Variants in COL1A2 observed in about 807,000 individuals in gnomAD.
COL1A2 encodes collagen alpha-2(I) chain.
In COL1A2, 49 loss-of-function variants were observed where a neutral mutation model predicts 174.3. The ratio of observed to expected loss-of-function variants is 0.28; its 90% CI spans 0.22 to 0.36. The LOEUF (loss-of-function observed/expected upper bound fraction) is 0.36. Among genes scored for constraint, COL1A2 ranks in the 10% least tolerant of loss-of-function variants. COL1A2 has a pLI of 1.00. For synonymous variants in COL1A2, 655 were observed against 606.6 expected, an observed-to-expected ratio of 1.08 and a Z score of -1.17; for missense variants, 1,438 against 1,822.7, an observed-to-expected ratio of 0.79 and a Z score of 3.84.
At chr7:94,425,703 T>C (rs1192151176) in intron 43 of COL1A2, 40 bp downstream of exon 43, 3 of 1,614,080 alleles carry the variant, frequency 1.9e-6, no homozygotes, top group Middle Eastern at 1.6e-4. Context: ...CAAAAGTGAT[T>C]AAAATGCAAC....
chr7:94,408,572 CA>C (rs1791853393), intron 15 of COL1A2, among the ~76,000 whole-genome samples, 192 bp downstream of exon 15: 1 of 152,160 alleles, frequency 6.6e-6, no homozygotes, highest in African/African-American at 2.4e-5. Flanking sequence ...ATGTATAAAG[CA>C]AAATATCCCC....
intron 40 of COL1A2, chr7:94,423,388 G>T: frequency 2.2e-6 from 1 of 460,918 alleles, no homozygotes; most frequent in African/African-American, 2.0e-5. Context: ...CTGGTACCAG[G>T]ATTAGAACAG....
intron 30 of COL1A2, 48 bp downstream of exon 30, chr7:94,415,318 A>T: frequency 6.4e-7 from 1 of 1,558,424 alleles, no homozygotes; most frequent in Non-Finnish European, 8.9e-7. Context: ...ATGTGTTTTT[A>T]AAAGTAGTAG....
At chr7:94,422,612 C>A in intron 39 of COL1A2, 1 of 217,286 alleles carries the variant, frequency 4.6e-6, no homozygotes, top group Non-Finnish European at 9.1e-6. Context: ...AGGCAAAGTC[C>A]TTCGAAACTC....
intron 1 of COL1A2, among the ~76,000 whole-genome samples, chr7:94,397,338 C>T (rs993189888): frequency 1.3e-5 from 2 of 151,870 alleles, no homozygotes; most frequent in South Asian, 2.1e-4. Context: ...TACCTTTTTT[C>T]GATATTTAGG....
At position 94,409,335 on chromosome 7, in the gene COL1A2, C is replaced by G; in HGVS notation, c.806C>G (p.Ala269Gly). The change falls in exon 17 of 52, where the codon GCT becomes GGT. Residue 269 changes from alanine (A) to glycine (G), a missense_variant. Physicochemically the swap from Ala to Gly is moderately conservative, Grantham distance 60. Around this residue, in one of 3 missense-constraint regions of COL1A2, gnomAD observed 867 missense variants for 1,213.7 expected, o/e 0.71. Coordinates refer to ENST00000297268, the MANE Select transcript of COL1A2 (RefSeq NM_000089.4). ...TTCCTCTTTTAGGGTGAAATTGGAG[C>G]TGTTGGTAACGCTGGTCCTGCTGGT... ...GAPGPKGEIG[A>G]VGNAGPAGPA... 1 of 1,614,078 alleles carries G rather than the reference C, an allele frequency of 6.2e-7. No individual in the cohort carries two copies.
At chr7:94,415,685 C>T (rs190480346) in intron 30 of COL1A2, among the ~76,000 whole-genome samples, 1 of 152,188 alleles carries the variant, frequency 6.6e-6, no homozygotes, top group Non-Finnish European at 1.5e-5. Flanking sequence ...CTTAGTTTCT[C>T]TATGGGTATT....
In COL1A2 at chr7:94,413,876, C is replaced by T; in HGVS notation, c.1612-18C>T. On this transcript the variant is annotated intron_variant, in intron 27 of 51. Coordinates refer to ENST00000297268, the MANE Select transcript of COL1A2 (RefSeq NM_000089.4). ...TGACATACGTTGCTATTTATGCTCT[C>T]TTTCCTGTCACTTTCAGGGTGTTCA... The T allele has an allele frequency of 6.2e-7, 1 of 1,614,070 alleles. No homozygotes were observed. The highest frequency in any genetic ancestry group is 8.5e-7 in the Non-Finnish European group (1 of 1,179,910).
In COL1A2 at chr7:94,410,283, C is replaced by A. The variant is rs1791894173; in HGVS notation, c.1077C>A (p.Asn359Lys). The change falls in exon 20 of 52, where the codon AAC (asparagine) becomes AAA (lysine). Residue 359 changes from asparagine to lysine, a missense_variant. Asn to Lys is a moderately conservative substitution (Grantham distance 94, BLOSUM62 0). Transcript: ENST00000297268. ...GPAGSKGESG[N>K]KGEPGSAGPQ... Reference sequence around the variant, plus strand: ...CTGGCTCCAAAGGAGAGAGCGGTAACAAGGGTGAGCCCGTAAGTAGCTCTA... The same window carrying A: ...CTGGCTCCAAAGGAGAGAGCGGTAAAAAGGGTGAGCCCGTAAGTAGCTCTA... 6.2e-7 allele frequency: 1 copy of A among 1,613,848 alleles called. No individual in the cohort carries two copies. Among genetic ancestry groups the A allele is most frequent in the East Asian group, 2.2e-5 (1 of 44,902 alleles).
intron 26 of COL1A2, 56 bp downstream of exon 26, chr7:94,413,192 C>CTTTTT: frequency 7.4e-7 from 1 of 1,347,564 alleles, no homozygotes; most frequent in Non-Finnish European, 1.0e-6. Context: ...AAGAACCACA[C>CTTTTT]TTTTTTTTTT....
chr7:94,424,777 G>A, intron 41 of COL1A2: 1 of 462,394 alleles, frequency 2.2e-6, no homozygotes, highest in South Asian at 2.2e-5. Context: ...TGGAAGTTCT[G>A]AATCGTTCCA....
In COL1A2 at chr7:94,420,637, G is replaced by A. The variant is rs1792140760; in HGVS notation, c.2284G>A (p.Ala762Thr). ...VVGPTGPVGA[A>T]GPAGPNGPPG... ...TGGTCCCACAGGCCCCGTTGGAGCT[G>A]CTGGCCCAGCTGTAAGTTGAATTCA... The change falls in exon 37 of 52, where the codon GCT becomes ACT. Residue 762 changes from alanine (A) to threonine (T), a missense_variant. By Grantham distance (58) the Ala-to-Thr change is moderately conservative. Transcript: ENST00000297268. The A allele has an allele frequency of 1.9e-6, 3 of 1,594,244 alleles. No individual in the cohort carries two copies.
chr7:94,426,086 A>G, intron 45 of COL1A2, 35 bp downstream of exon 45: 3 of 1,561,458 alleles, frequency 1.9e-6, no homozygotes, highest in Admixed American at 1.7e-5. Context: ...TGCAACACTA[A>G]CATTTAGAGA....
intron 17 of COL1A2, 65 bp downstream of exon 17, chr7:94,409,485 A>C (rs1791872797): frequency 1.2e-6 from 2 of 1,610,692 alleles, no homozygotes; most frequent in East Asian, 4.5e-5. Context: ...ATGGGGAAGA[A>C]GAAGAATGAA....
rs970155529 is a variant in COL1A2 at position 94,416,743 on chromosome 7, G to A, written c.1863+240G>A. 8 of 535,486 alleles carry A rather than the reference G, an allele frequency of 1.5e-5. No individual in the cohort carries two copies. In the East Asian group the frequency reaches 1.9e-4, roughly 12 times the overall value. The allele number at this position is 535,486 out of a possible 1,614,324, so 33.2% of individuals were successfully genotyped here. On this transcript the variant is annotated intron_variant, in intron 31 of 51. Transcript: ENST00000297268. ...TCCCAAAACATAAATGAATTAGTATGGGTTGTCACTCTTTTCTCCTCACGC... is the reference window on the plus strand; with the variant it reads ...TCCCAAAACATAAATGAATTAGTATAGGTTGTCACTCTTTTCTCCTCACGC...
At chr7:94,416,540 C>T in intron 31 of COL1A2, 37 bp downstream of exon 31, 1 of 1,464,712 alleles carries the variant, frequency 6.8e-7, no homozygotes, top group Non-Finnish European at 9.4e-7. Context: ...TGGTTTGGCC[C>T]AGTCTGCCTG....
chr7:94,418,112 T>C (rs754982707), intron 32 of COL1A2, among the ~76,000 whole-genome samples: 8 of 152,166 alleles, frequency 5.3e-5, no homozygotes, highest in Non-Finnish European at 1.2e-4. Flanking sequence ...TCCTAATTAA[T>C]GGGAAGAAGC....
rs1791633361 is a variant in COL1A2 at position 94,398,914 on chromosome 7, AT to A, written c.97-129del. ...TACTTTTATCTATTGCATTGTGTCA[AT>A]TTTTTATATGCTATCTAATAACATT... is the stretch of plus-strand genomic sequence containing the variant. On this transcript the variant is annotated intron_variant, in intron 3 of 51. Coordinates refer to ENST00000297268, the MANE Select transcript of COL1A2 (RefSeq NM_000089.4). The A allele has an allele frequency of 5.8e-6, 5 of 856,070 alleles. No individual in the cohort carries two copies. In the South Asian group the frequency reaches 5.9e-5, roughly 10 times the overall value. The allele number at this position is 856,070 out of a possible 1,614,324, so 53.0% of individuals were successfully genotyped here.
At chr7:94,403,506 G>T (rs1477826402) in intron 6 of COL1A2, among the ~76,000 whole-genome samples, 2 of 152,110 alleles carry the variant, frequency 1.3e-5, no homozygotes, top group African/African-American at 2.4e-5. Flanking sequence ...AGAAATTCAT[G>T]ATGTCAAAGA....
Sources: allele counts gnomAD v4.1 joint callset (sites outside exome capture counted in the v4.1 genomes callset), GRCh38; gene constraint gnomAD v4.1.1; regional missense constraint gnomAD v4.1.1; transcripts MANE v1.5; gene names NCBI Gene and HGNC (gene_info 2026-07-23, HGNC 2026-07-21).